The following NAV3 variants were observed in gnomAD, a reference collection of about 807,000 sequenced individuals.
The protein encoded by NAV3 is neuron navigator 3.
Under a neutral mutation model 244.7 loss-of-function variants are expected in NAV3, and 87 were observed. The observed-to-expected ratio is 0.36, with a 90% CI of 0.30 to 0.42. NAV3 has a LOEUF of 0.42. NAV3 is among the 20% of genes least tolerant of loss of function. NAV3 has a pLI of 1.00. For missense variants in NAV3, 2,663 were observed against 2,893.3 expected, an observed-to-expected ratio of 0.92 and a Z score of 1.83; for synonymous variants, 1,126 against 1,042.2, an observed-to-expected ratio of 1.08 and a Z score of -1.55.
intron 2 of NAV3, among the ~76,000 whole-genome samples, chr12:77,744,211 A>T (rs1424811263): frequency 6.6e-6 from 1 of 151,992 alleles, no homozygotes; most frequent in Non-Finnish European, 1.5e-5. Flanking sequence ...ATATGATGAA[A>T]GGATAGATAT....
rs137901495 is a variant in NAV3, at chr12:77,800,543, G to A, written c.73-139776G>A. 1.7e-3 allele frequency among the ~76,000 whole-genome samples: 266 copies of A among 152,164 alleles called. 2 individuals are homozygous for A. Among genetic ancestry groups the A allele is most frequent in the African/African-American group, 6.1e-3 (253 of 41,530 alleles). Reference sequence around the variant, plus strand: ...TCTTAGTTTTTTAATACTTACAAACGAAAGAAAATAGACATTTTGTTCTTA... The same window carrying A: ...TCTTAGTTTTTTAATACTTACAAACAAAAGAAAATAGACATTTTGTTCTTA... On this transcript the variant is annotated intron_variant, in intron 2 of 8. Coordinates refer to the NAV3 transcript ENST00000550042.
intron 2 of NAV3, among the ~76,000 whole-genome samples, chr12:77,721,889 G>C (rs1704103431): frequency 6.6e-6 from 1 of 152,032 alleles, no homozygotes; most frequent in Non-Finnish European, 1.5e-5. Flanking sequence ...CCTCTTTATA[G>C]GCTTTTCTGA....
At chr12:77,607,540 G>A (rs909685462) in intron 2 of NAV3, among the ~76,000 whole-genome samples, 6 of 152,026 alleles carry the variant, frequency 3.9e-5, no homozygotes, top group Admixed American at 2.0e-4. Flanking sequence ...ATTTTGAAAG[G>A]AGATGGACGT....
intron 38 of NAV3, among the ~76,000 whole-genome samples, chr12:78,202,423 A>T (rs1202542616): frequency 1.3e-5 from 2 of 152,168 alleles, no homozygotes; most frequent in South Asian, 4.1e-4. Flanking sequence ...TGAAATGATA[A>T]TAGTTAAAAT....
chr12:78,100,723 T>C (rs1954495172), intron 12 of NAV3, among the ~76,000 whole-genome samples: 2 of 152,116 alleles, frequency 1.3e-5, no homozygotes. Flanking sequence ...TTTAAGGGCT[T>C]CCCTGCTCAC....
intron 2 of NAV3, among the ~76,000 whole-genome samples, chr12:77,741,148 C>CAAAAAAAAAAA: frequency 5.0e-3 from 341 of 68,550 alleles, no homozygotes; most frequent in East Asian, 9.6e-3. Context: ...AAAAAAAAGA[C>CAAAAAAAAAAA]AAAAAAAAAA....
At chr12:78,165,103 G>A (rs558162908) in intron 23 of NAV3, among the ~76,000 whole-genome samples, 2 of 152,158 alleles carry the variant, frequency 1.3e-5, no homozygotes, top group African/African-American at 4.8e-5. Flanking sequence ...ACTCAATTTA[G>A]CTTCTTTAAC....
intron 1 of NAV3, among the ~76,000 whole-genome samples, chr12:77,867,790 T>C (rs990253234): frequency 6.6e-5 from 10 of 152,266 alleles, no homozygotes; most frequent in African/African-American, 2.4e-4. Flanking sequence ...ACTTTCATTG[T>C]GTTAGAGTGG....
intron 1 of NAV3, among the ~76,000 whole-genome samples, chr12:77,915,180 T>G (rs1296171110): frequency 1.3e-5 from 2 of 152,056 alleles, no homozygotes; most frequent in African/African-American, 4.8e-5. Flanking sequence ...GGCTTTTGCC[T>G]CCTCCAAGAT....
chr12:77,696,470 G>A lies in NAV3; in HGVS notation c.72+124204G>A, dbSNP rs1322338425. Among the ~76,000 whole-genome samples the A allele has an allele frequency of 2.6e-5, 4 of 152,244 alleles. No individual in the cohort carries two copies. In the South Asian group the frequency reaches 8.3e-4, roughly 32 times the overall value. On this transcript the variant is annotated intron_variant, in intron 2 of 8. Coordinates refer to the NAV3 transcript ENST00000550042. ...TTTTGCCAATAACCATATGCGTTCT[G>A]AAGCAGATTTCTCCCTAGATAATTC...
At chr12:77,969,142 A>ATGTGTGTGTG (rs3078729) in intron 5 of NAV3, among the ~76,000 whole-genome samples, 14 of 147,800 alleles carry the variant, frequency 9.5e-5, no homozygotes, top group African/African-American at 3.0e-4. Context: ...AGTGTTTTTG[A>ATGTGTGTGTG]TGTGTGTGTG....
At chr12:78,050,171 C>G in intron 10 of NAV3, 70 bp downstream of exon 10, 1 of 1,058,842 alleles carries the variant, frequency 9.4e-7, no homozygotes, top group South Asian at 1.4e-5. Flanking sequence ...TTTAACTTTT[C>G]TTATAATGAC....
At chr12:77,820,489 C>T (rs948549059) in intron 2 of NAV3, among the ~76,000 whole-genome samples, 1 of 152,098 alleles carries the variant, frequency 6.6e-6, no homozygotes, top group South Asian at 2.1e-4. Flanking sequence ...AGAGCCCTCA[C>T]GATTCAATCA....
At chr12:77,886,932 A>G (rs1402225591) in intron 1 of NAV3, among the ~76,000 whole-genome samples, 2 of 152,174 alleles carry the variant, frequency 1.3e-5, no homozygotes, top group African/African-American at 4.8e-5. Context: ...ATTCCAAGCT[A>G]TATGGGAATG....
intron 2 of NAV3, among the ~76,000 whole-genome samples, chr12:77,625,852 T>A (rs942618045): frequency 6.6e-6 from 1 of 152,172 alleles, no homozygotes; most frequent in African/African-American, 2.4e-5. Context: ...TTACAGCAAG[T>A]GCTTATATAT....
At chr12:77,872,610 G>C (rs1283586460) in intron 1 of NAV3, among the ~76,000 whole-genome samples, 1 of 152,090 alleles carries the variant, frequency 6.6e-6, no homozygotes, top group Non-Finnish European at 1.5e-5. Context: ...GCAATCCCAG[G>C]GAATCAAGGA....
intron 1 of NAV3, among the ~76,000 whole-genome samples, chr12:77,846,294 A>G (rs1478787061): frequency 6.6e-6 from 1 of 152,254 alleles, no homozygotes; most frequent in Non-Finnish European, 1.5e-5. Context: ...ATTCTCTAAA[A>G]GTTAATTCAT....
intron 5 of NAV3, among the ~76,000 whole-genome samples, chr12:77,982,780 A>G (rs1869807709): frequency 6.6e-6 from 1 of 152,172 alleles, no homozygotes; most frequent in South Asian, 2.1e-4. Context: ...GGATGTCACA[A>G]ACTGGTGAGA....
chr12:77,802,459 C>A (rs952460), intron 2 of NAV3, among the ~76,000 whole-genome samples: 2 of 152,102 alleles, frequency 1.3e-5, no homozygotes, highest in Admixed American at 6.5e-5. Flanking sequence ...TCAAGGTCAT[C>A]TGTGACTTTT....
Sources: gnomAD v4.1 joint callset for allele counts (sites outside exome capture counted in the v4.1 genomes callset) on GRCh38, gnomAD v4.1.1 for gene constraint, MANE v1.5 for transcripts, NCBI Gene and HGNC (gene_info 2026-07-23, HGNC 2026-07-21) for gene names.